The following MAP7 variants were observed in gnomAD, a reference collection of about 807,000 sequenced individuals.
MAP7 encodes the protein microtubule associated protein 7.
A neutral mutation model predicts 94.8 loss-of-function variants in MAP7; 52 were observed. That is an observed-to-expected ratio of 0.55 (90% CI 0.44 to 0.69). The LOEUF (loss-of-function observed/expected upper bound fraction) is 0.69. Among genes scored for constraint, MAP7 ranks in the 30% least tolerant of loss-of-function variants. The pLI is 0.00. For synonymous variants in MAP7, 350 were observed against 357.0 expected, an observed-to-expected ratio of 0.98 and a Z score of 0.22; for missense variants, 940 against 964.6, an observed-to-expected ratio of 0.97 and a Z score of 0.34.
At chr6:136,375,938 C>T (rs1166761746) in intron 7 of MAP7, among the ~76,000 whole-genome samples, 2 of 152,064 alleles carry the variant, frequency 1.3e-5, no homozygotes, top group African/African-American at 4.8e-5. Context: ...TTGGAAAAGA[C>T]TAGAGGGAGA....
intron 3 of MAP7, among the ~76,000 whole-genome samples, chr6:136,396,237 AGT>A (rs1782426916): frequency 6.6e-6 from 1 of 152,022 alleles, no homozygotes; most frequent in South Asian, 2.1e-4. Flanking sequence ...TTTTTTCATC[AGT>A]GTTTTCAGTT....
At chr6:136,545,304 C>T (rs889786469) in intron 1 of MAP7, 12 of 151,362 alleles carry the variant, frequency 7.9e-5, no homozygotes, top group South Asian at 2.1e-4. Context: ...TGCACCCTTC[C>T]CAAAGCAGTA....
At chr6:136,387,328 C>T (rs1779437980) in intron 5 of MAP7, among the ~76,000 whole-genome samples, 1 of 151,920 alleles carries the variant, frequency 6.6e-6, no homozygotes, top group Admixed American at 6.6e-5. Flanking sequence ...AAGGTTTAAT[C>T]CTGACATTGA....
In MAP7 at chr6:136,356,713, T is replaced by A; in HGVS notation, c.1994A>T (p.Gln665Leu). Residue 665 changes from glutamine (Q) to leucine (L), a missense_variant, in exon 16 of 18, where the codon CAG (glutamine) becomes CTG (leucine). Coordinates refer to ENST00000354570, the MANE Select transcript of MAP7 (RefSeq NM_003980.6). ...VGSPHVVTSH[Q>L]SKVTVESTPD... ...TCACCTCTCCACTGTCACTTTTGAC[T>A]GGTGTGAGGTAACCACATGTGGGCT... 1 of 1,614,138 alleles carries A rather than the reference T, an allele frequency of 6.2e-7. No homozygotes were observed. The highest frequency in any genetic ancestry group is 1.7e-5 in the Admixed American group (1 of 60,022).
At chr6:136,507,749 A>G (rs1822010652) in intron 1 of MAP7, among the ~76,000 whole-genome samples, 1 of 152,232 alleles carries the variant, frequency 6.6e-6, no homozygotes, top group East Asian at 1.9e-4. Context: ...TAATAACCCT[A>G]TGAGATAGGT....
At chr6:136,362,782 C>T in intron 10 of MAP7, 80 bp from the exon 11 acceptor site, 1 of 1,500,670 alleles carries the variant, frequency 6.7e-7, no homozygotes, top group Non-Finnish European at 8.8e-7. Flanking sequence ...TCCCCACATC[C>T]AAGGCCTAGA....
intron 16 of MAP7, among the ~76,000 whole-genome samples, chr6:136,346,938 A>G (rs2128514135): frequency 6.6e-6 from 1 of 152,300 alleles, no homozygotes; most frequent in East Asian, 1.9e-4. Context: ...GCATAATTTC[A>G]TATGTAAATT....
Position 136,362,665 on chromosome 6 carries a change from T to C in MAP7, c.1311A>G (p.Pro437=). Residue 437 remains proline (P), a synonymous_variant, in exon 11 of 18, where the codon CCA becomes CCG. Transcript: ENST00000354570. The part of the protein sequence containing the change: ...PAMAPAPASA[P]APASAPAPAP... ...CTGGAGCTGGGGCCGAGGCTGGAGCTGGGGCCGAGGCTGGAGCTGGGGCCA... is the reference window on the plus strand; with the variant it reads ...CTGGAGCTGGGGCCGAGGCTGGAGCCGGGGCCGAGGCTGGAGCTGGGGCCA... The C allele has an allele frequency of 6.2e-7, 1 of 1,607,068 alleles. No homozygotes were observed. The highest frequency in any genetic ancestry group is 1.7e-5 in the Admixed American group (1 of 59,392).
intron 1 of MAP7, among the ~76,000 whole-genome samples, chr6:136,516,476 C>G (rs2129040697): frequency 6.6e-6 from 1 of 152,168 alleles, no homozygotes; most frequent in South Asian, 2.1e-4. Flanking sequence ...GACATTTAAA[C>G]TGAAGGACAA....
At chr6:136,505,287 A>G (rs1327949862) in intron 1 of MAP7, among the ~76,000 whole-genome samples, 11 of 123,736 alleles carry the variant, frequency 8.9e-5, no homozygotes, top group African/African-American at 3.5e-4. Flanking sequence ...GTATATATAT[A>G]TATATATATA....
intron 1 of MAP7, among the ~76,000 whole-genome samples, chr6:136,543,071 C>A (rs1273675156): frequency 6.6e-6 from 1 of 152,172 alleles, no homozygotes; most frequent in African/African-American, 2.4e-5. Context: ...TAAAGTTAAA[C>A]ATACAGTTAC....
chr6:136,369,674 A>AT (rs986999512), intron 8 of MAP7, among the ~76,000 whole-genome samples: 1 of 152,244 alleles, frequency 6.6e-6, no homozygotes, highest in African/African-American at 2.4e-5. Flanking sequence ...AAACAAGGAC[A>AT]TTCTCTTCAA....
intron 1 of MAP7, among the ~76,000 whole-genome samples, chr6:136,512,706 C>T (rs942029264): frequency 6.6e-6 from 1 of 152,094 alleles, no homozygotes; most frequent in African/African-American, 2.4e-5. Flanking sequence ...CTAAAAAATG[C>T]GAAGAATCAT....
rs145615954 is a variant in MAP7, at chr6:136,438,022, A to G, written c.68-16223T>C. Among the ~76,000 whole-genome samples, 797 of 152,264 alleles carry G rather than the reference A, an allele frequency of 5.2e-3. 9 individuals carry two copies. The highest frequency in any genetic ancestry group is 0.018 in the African/African-American group (764 of 41,544). On this transcript the variant is annotated intron_variant, in intron 1 of 17. Transcript: ENST00000354570. ...GTCTACAGAGAGTCTACTCTCTCTA[A>G]TATAGTATCAGATTAACTCCCTAAG...
rs1188330521 is a variant in MAP7 at position 136,364,921 on chromosome 6, A to G, written c.1273+814T>C. 3.3e-5 allele frequency: 5 copies of G among 152,394 alleles called. No homozygotes were observed. The East Asian group carries it at 5.8e-4, about 18-fold the overall frequency. 9.4% of individuals were successfully genotyped at this position (152,394 alleles called of 1,614,324 possible). ...GTGCTGCTGCCAAATTCCTGACCCA[A>G]GAATCCATGTGATATGATAAATGTT... On this transcript the variant is annotated intron_variant, in intron 10 of 17. Transcript: ENST00000354570.
chr6:136,366,067 G>C, intron 9 of MAP7, 49 bp from the exon 10 acceptor site: 1 of 1,563,762 alleles, frequency 6.4e-7, no homozygotes, highest in Non-Finnish European at 8.6e-7. Flanking sequence ...ATGAGAACAG[G>C]CTTGCCAGAA....
intron 1 of MAP7, among the ~76,000 whole-genome samples, chr6:136,523,864 C>T (rs1195471278): frequency 6.6e-6 from 1 of 152,124 alleles, no homozygotes; most frequent in Non-Finnish European, 1.5e-5. Flanking sequence ...CTTTCCTCCC[C>T]TTTCTCTTCC....
At chr6:136,398,731 A>G (rs565541754) in intron 3 of MAP7, among the ~76,000 whole-genome samples, 2 of 152,246 alleles carry the variant, frequency 1.3e-5, no homozygotes, top group Non-Finnish European at 2.9e-5. Flanking sequence ...GTGGAACTTT[A>G]AGTCCAATTA....
At chr6:136,485,922 T>C (rs760510856) in intron 1 of MAP7, among the ~76,000 whole-genome samples, 7 of 152,120 alleles carry the variant, frequency 4.6e-5, no homozygotes, top group South Asian at 4.1e-4. Flanking sequence ...ATGACAAAAA[T>C]AGATATTAAA....
Sources: gnomAD v4.1 joint callset for allele counts (sites outside exome capture counted in the v4.1 genomes callset) on GRCh38, gnomAD v4.1.1 for gene constraint, MANE v1.5 for transcripts, NCBI Gene and HGNC (gene_info 2026-07-23, HGNC 2026-07-21) for gene names.